Variants in GSK3A observed in about 807,000 individuals in gnomAD.
GSK3A encodes the protein glycogen synthase kinase-3 alpha.
A neutral mutation model predicts 56.6 loss-of-function variants in GSK3A; 14 were observed. That is an observed-to-expected ratio of 0.25 (90% confidence interval 0.16 to 0.39). The LOEUF is 0.39. Among genes scored for constraint, GSK3A ranks in the 10% least tolerant of loss-of-function variants. The pLI is 1.00. For missense variants in GSK3A, 450 were observed against 656.0 expected, an observed-to-expected ratio of 0.69 and a Z score of 3.43; for synonymous variants, 301 against 285.0, an observed-to-expected ratio of 1.06 and a Z score of -0.56.
intron 2 of GSK3A, among the ~76,000 whole-genome samples, chr19:42,237,526 G>T (rs1035608353): frequency 1.3e-5 from 2 of 151,502 alleles, no homozygotes; most frequent in Non-Finnish European, 2.9e-5. Context: ...ACTTATTGCT[G>T]ACATGTAAAA....
intron 6 of GSK3A, among the ~76,000 whole-genome samples, chr19:42,233,706 C>T (rs1458046799): frequency 6.6e-6 from 1 of 152,106 alleles, no homozygotes. Context: ...TTCTTTGGGC[C>T]ACAGGAAGGT....
chr19:42,241,939 G>T, intron 1 of GSK3A: 1 of 383,660 alleles, frequency 2.6e-6, no homozygotes, highest in Non-Finnish European at 4.6e-6. Flanking sequence ...CTCAATAATG[G>T]AAGAACAGAG....
Position 42,230,729 on chromosome 19 carries a change from TG to T in GSK3A, c.*64del. On this transcript the variant is annotated 3_prime_UTR_variant, in exon 11 of 11. Coordinates refer to ENST00000222330, the MANE Select transcript of GSK3A (RefSeq NM_019884.3). ...GCCAGGGCAGGAGCTTGATGGGCTA[TG>T]GCCCCCCTTCCCAGCCCCTCTTGGG... 1 of 1,233,484 alleles carries T rather than the reference TG, an allele frequency of 8.1e-7. No individual in the cohort carries two copies. The highest frequency in any genetic ancestry group is 1.2e-6 in the Non-Finnish European group (1 of 856,908). The allele number at this position is 1,233,484 out of a possible 1,614,324, so 76.4% of individuals were successfully genotyped here.
chr19:42,240,439 G>C (rs2036284732), intron 1 of GSK3A: 1 of 570,750 alleles, frequency 1.8e-6, no homozygotes, highest in Admixed American at 3.1e-5. Flanking sequence ...CAGATCACTG[G>C]TCCATCTTGG....
rs1157432559 is a variant in GSK3A at position 42,231,485 on chromosome 19, A to T, written c.1378+572T>A. Among the ~76,000 whole-genome samples, 5 of 152,210 alleles carry T rather than the reference A, an allele frequency of 3.3e-5. No homozygotes were observed. In the East Asian group the frequency reaches 7.7e-4, roughly 23 times the overall value. On this transcript the variant is annotated intron_variant, in intron 10 of 10. Coordinates refer to ENST00000222330, the MANE Select transcript of GSK3A (RefSeq NM_019884.3). ...TTTTACATAAAATAGCCCCATTTTT[A>T]AACGTGGACACCATGGCCAGGCACA...
Position 42,234,776 on chromosome 19 carries a change from C to T in GSK3A, c.667-98G>A. 1 of 1,247,718 alleles carries T rather than the reference C, an allele frequency of 8.0e-7. No individual in the cohort carries two copies. The highest frequency in any genetic ancestry group is 1.1e-6 in the Non-Finnish European group (1 of 925,268). 77.3% of individuals were successfully genotyped at this position (1,247,718 alleles called of 1,614,324 possible). A position where few individuals can be genotyped will look rare whatever the true frequency, so the allele number is the denominator to read the frequency against. On this transcript the variant is annotated intron_variant, in intron 4 of 10. Transcript: ENST00000222330. This position sits in a 1 kb window ranked among gnomAD's most constrained non-coding sequence, Gnocchi z 5.7. ...CCTGAAGAGCCCTTCCAGGCCCACT[C>T]TCCCTGCTGCCCCCACAGCTTTGGG...
intron 2 of GSK3A, 22 bp downstream of exon 2, chr19:42,239,933 G>A: frequency 1.2e-6 from 2 of 1,607,214 alleles, no homozygotes; most frequent in Non-Finnish European, 1.7e-6. Context: ...AAACCTCCCT[G>A]TCCCCATCCC....
chr19:42,230,636 C>T lies in GSK3A; in HGVS notation c.*158G>A. The T allele has an allele frequency of 1.6e-6, 1 of 638,266 alleles. No individual in the cohort carries two copies. Among genetic ancestry groups the T allele is most frequent in the Non-Finnish European group, 2.9e-6 (1 of 349,592 alleles). The allele number at this position is 638,266 out of a possible 1,614,324, so 39.5% of individuals were successfully genotyped here. Reference sequence around the variant, plus strand: ...TAAAAAGCCCACCACAGGGGTGAGGCTGGTGAGGGAGGGACTGGAGGTGGG... The same window carrying T: ...TAAAAAGCCCACCACAGGGGTGAGGTTGGTGAGGGAGGGACTGGAGGTGGG... On this transcript the variant is annotated 3_prime_UTR_variant, in exon 11 of 11. Transcript: ENST00000222330.
Position 42,230,879 on chromosome 19 carries a change from C to T in GSK3A, c.1379-12G>A, listed in dbSNP as rs1321560229. The T allele has an allele frequency of 2.6e-6, 4 of 1,549,970 alleles. No homozygotes were observed. Among genetic ancestry groups the T allele is most frequent in the Non-Finnish European group, 3.5e-6 (4 of 1,143,884 alleles). ...AGTCTCAGTTAAAGCTGGAGGGAGG[C>T]AGGGAAGGAGCAGAGTTAGCCTTTG... On this transcript the variant is annotated splice_polypyrimidine_tract_variant and intron_variant, in intron 10 of 10. Coordinates refer to ENST00000222330, the MANE Select transcript of GSK3A (RefSeq NM_019884.3).
chr19:42,240,135 G>A lies in GSK3A; in HGVS notation c.291C>T (p.Ser97=), dbSNP rs555935460. Residue 97 remains serine, a synonymous_variant, in exon 2 of 11, where the codon AGC becomes AGT. Transcript: ENST00000222330. The part of the protein sequence containing the change: ...PPPGVKLGRD[S]GKVTTVVATL... ...TGGCTACGACTGTGGTCACCTTCCC[G>A]CTGTCACCTGGGGAACAAAGGGGAT... The A allele has an allele frequency of 1.9e-5, 31 of 1,613,894 alleles. No homozygotes were observed. The highest frequency in any genetic ancestry group is 1.7e-4 in the Admixed American group (10 of 60,024).
At chr19:42,235,934 C>T (rs2036254326) in intron 4 of GSK3A, among the ~76,000 whole-genome samples, 1 of 152,200 alleles carries the variant, frequency 6.6e-6, no homozygotes, top group African/African-American at 2.4e-5. Flanking sequence ...TCGGCTCACC[C>T]GTGCTTGGTA....
chr19:42,233,480 C>T (rs1182341954), intron 6 of GSK3A, 97 bp from the exon 7 acceptor site: 1 of 806,206 alleles, frequency 1.2e-6, no homozygotes, highest in Non-Finnish European at 2.0e-6. Flanking sequence ...GTGTCAGGAG[C>T]CCCGTTTTCT....
chr19:42,235,372 A>G (rs911842275), intron 4 of GSK3A, among the ~76,000 whole-genome samples: 12 of 152,092 alleles, frequency 7.9e-5, no homozygotes, highest in Admixed American at 2.0e-4. Context: ...TGGCTCCTTA[A>G]TCCGACAATC....
In GSK3A at chr19:42,242,551, T is replaced by G; in HGVS notation, c.-86A>C. 1 of 934,190 alleles carries G rather than the reference T, an allele frequency of 1.1e-6. No homozygotes were observed. Among genetic ancestry groups the G allele is most frequent in the Non-Finnish European group, 1.3e-6 (1 of 771,766 alleles). The allele number at this position is 934,190 out of a possible 1,614,324, so 57.9% of individuals were successfully genotyped here. A position where few individuals can be genotyped will look rare whatever the true frequency, so the allele number is the denominator to read the frequency against. Reference sequence around the variant, plus strand: ...CGCTGCCGCCGCCTCCCCCGGGCCCTGGCCTCTTCCAGGCCGCGCCGCTCT... The same window carrying G: ...CGCTGCCGCCGCCTCCCCCGGGCCCGGGCCTCTTCCAGGCCGCGCCGCTCT... On this transcript the variant is annotated 5_prime_UTR_variant, in exon 1 of 11. Coordinates refer to ENST00000222330, the MANE Select transcript of GSK3A (RefSeq NM_019884.3).
At chr19:42,238,090 C>G (rs1016537342) in intron 2 of GSK3A, among the ~76,000 whole-genome samples, 1 of 150,246 alleles carries the variant, frequency 6.7e-6, no homozygotes, top group East Asian at 2.0e-4. Context: ...GGTGGCTCAC[C>G]CCTGTAATCC....
At chr19:42,240,478 T>G (rs2036285068) in intron 1 of GSK3A, 1 of 523,496 alleles carries the variant, frequency 1.9e-6, no homozygotes, top group Non-Finnish European at 3.4e-6. Context: ...GTTGACTCCA[T>G]CTACTCTGGA....
At position 42,236,661 on chromosome 19, in the gene GSK3A, C is replaced by T. The variant is rs1156515117; in HGVS notation, c.611G>A (p.Arg204Gln). The stretch of plus-strand genomic sequence containing the variant: ...GGCCTTGGTGAAGTGGCGGGCCACC[C>T]GGTACACTGTCTCGGGCACATATTC... ...VLEYVPETVY[R>Q]VARHFTKAKL... Residue 204 changes from arginine (R) to glutamine (Q), a missense_variant, in exon 4 of 11, where the codon CGG becomes CAG. Arg to Gln is a conservative substitution (Grantham distance 43). Transcript: ENST00000222330. 1.2e-6 allele frequency: 2 copies of T among 1,614,020 alleles called. No homozygotes were observed. Among genetic ancestry groups the T allele is most frequent in the Admixed American group, 1.7e-5 (1 of 60,020 alleles).
chr19:42,240,151 C>T lies in GSK3A; in HGVS notation c.284-9G>A, dbSNP rs202005194. On this transcript the variant is annotated splice_polypyrimidine_tract_variant and intron_variant, in intron 1 of 10. Transcript: ENST00000222330. ...CACCTTCCCGCTGTCACCTGGGGAACAAAGGGGATACACGATCCACTGACC... is the reference window on the plus strand; with the variant it reads ...CACCTTCCCGCTGTCACCTGGGGAATAAAGGGGATACACGATCCACTGACC... 3.2e-5 allele frequency: 51 copies of T among 1,613,538 alleles called. No individual in the cohort carries two copies. The highest frequency in any genetic ancestry group is 8.9e-5 in the East Asian group (4 of 44,892).
In GSK3A at chr19:42,233,186, C is replaced by A. The variant is rs1337074844; in HGVS notation, c.1022G>T (p.Arg341Leu). ...EIIKVLGTPT[R>L]EQIREMNPNY... ...GGGGTTCATCTCTCGGATTTGTTCC[C>A]GGGTTGGTGTTCCCAGCACCTGTAA... is the stretch of plus-strand genomic sequence containing the variant. The change falls in exon 8 of 11, where the codon CGG (arginine) becomes CTG (leucine). Residue 341 changes from arginine to leucine, a missense_variant. By Grantham distance (102) the Arg-to-Leu change is moderately radical (BLOSUM62 -2). Around this residue, in one of 3 missense-constraint regions of GSK3A, gnomAD observed 144 missense variants for 308.0 expected, o/e 0.47. Transcript: ENST00000222330. The A allele has an allele frequency of 1.2e-6, 2 of 1,608,698 alleles. No individual in the cohort carries two copies. Among genetic ancestry groups the A allele is most frequent in the Non-Finnish European group, 1.7e-6 (2 of 1,177,160 alleles).
Sources: allele counts gnomAD v4.1 joint callset (sites outside exome capture counted in the v4.1 genomes callset), GRCh38; gene constraint gnomAD v4.1.1; regional missense constraint gnomAD v4.1.1; non-coding constraint Gnocchi (gnomAD v3.1); transcripts MANE v1.5; gene names NCBI Gene and HGNC (gene_info 2026-07-23, HGNC 2026-07-21).